Variants in EPC2 observed in about 807,000 individuals in gnomAD.
EPC2 encodes the protein enhancer of polycomb 2.
EPC2 carries 14 observed loss-of-function variants against 92.1 expected under a neutral mutation model. That is an observed-to-expected ratio of 0.15 (90% confidence interval 0.10 to 0.24). The LOEUF (loss-of-function observed/expected upper bound fraction) is 0.24, where lower values mean the gene tolerates loss of function less well. EPC2 is among the 10% of genes least tolerant of loss of function. The probability of loss-of-function intolerance (pLI) is 1.00; values close to 1 mark genes in which losing one functional copy is unlikely to be tolerated. For synonymous variants in EPC2, 340 were observed against 334.7 expected (o/e 1.02, Z -0.17); for missense variants, 755 against 971.5 (o/e 0.78, Z 2.96).
rs924988866 is a variant in EPC2, at chr2:148,718,547, G to A, written c.314-25075G>A. ...CTGGGGTGGAAATTCTTTTCTTTAA[G>A]AATGTTGAATATTGACCCGCAGTCT... On this transcript the variant is annotated intron_variant, in intron 2 of 13. Coordinates refer to ENST00000258484, the MANE Select transcript of EPC2 (RefSeq NM_015630.4). Among the ~76,000 whole-genome samples the A allele has an allele frequency of 2.0e-5, 3 of 152,150 alleles. No homozygotes were observed. The East Asian group carries it at 5.8e-4, about 29-fold the overall frequency.
intron 1 of EPC2, 162 bp downstream of exon 1, chr2:148,645,332 C>T (rs911325197): frequency 1.5e-5 from 9 of 608,522 alleles, no homozygotes; most frequent in African/African-American, 2.0e-5. Context: ...CCCTCTCGGC[C>T]GGCGTAGCGC....
At chr2:148,776,483 C>CAAA (rs1253697682) in intron 10 of EPC2, among the ~76,000 whole-genome samples, 1 of 152,146 alleles carries the variant, frequency 6.6e-6, no homozygotes, top group Non-Finnish European at 1.5e-5. Flanking sequence ...TTGTCTTTCA[C>CAAA]TGTAAGAGTT....
chr2:148,716,062 A>G (rs745563466), intron 2 of EPC2, among the ~76,000 whole-genome samples: 12 of 152,062 alleles, frequency 7.9e-5, no homozygotes, highest in Non-Finnish European at 1.5e-4. Context: ...ACAATTTTTG[A>G]ACATTGATTT....
chr2:148,694,914 G>A (rs866636993), intron 2 of EPC2, among the ~76,000 whole-genome samples: 1 of 151,994 alleles, frequency 6.6e-6, no homozygotes, highest in Non-Finnish European at 1.5e-5. Context: ...CTGGGATCAC[G>A]GGTGCGTGCC....
At chr2:148,662,942 A>G (rs1680969801) in intron 1 of EPC2, among the ~76,000 whole-genome samples, 1 of 151,854 alleles carries the variant, frequency 6.6e-6, no homozygotes, top group East Asian at 1.9e-4. Context: ...TTTATTTTTT[A>G]TTTAAGCAGC....
chr2:148,769,074 A>C (rs950134194), intron 7 of EPC2, 77 bp from the exon 8 acceptor site: 2 of 944,004 alleles, frequency 2.1e-6, no homozygotes, highest in Admixed American at 4.0e-5. Flanking sequence ...TTGTGATCAG[A>C]TTTACATTTT....
intron 2 of EPC2, among the ~76,000 whole-genome samples, chr2:148,734,423 A>G (rs1343146295): frequency 1.3e-5 from 2 of 152,102 alleles, no homozygotes; most frequent in Non-Finnish European, 2.9e-5. Flanking sequence ...TGAGACTTCA[A>G]ATTATTTAAA....
chr2:148,773,703 T>A (rs1384415014), intron 10 of EPC2, among the ~76,000 whole-genome samples: 1 of 152,104 alleles, frequency 6.6e-6, no homozygotes, highest in Non-Finnish European at 1.5e-5. Flanking sequence ...TTTAACAGCA[T>A]TTTTTAAAAT....
At chr2:148,671,164 T>C (rs968633208) in intron 1 of EPC2, among the ~76,000 whole-genome samples, 2 of 152,238 alleles carry the variant, frequency 1.3e-5, no homozygotes, top group Non-Finnish European at 2.9e-5. Context: ...TAAAGTTTGC[T>C]GTTATTAGTG....
At position 148,783,775 on chromosome 2, in the gene EPC2, A is replaced by T. The variant is rs1281100892; in HGVS notation, c.2017+19A>T. The T allele has an allele frequency of 1.9e-6, 3 of 1,575,402 alleles. No homozygotes were observed. The highest frequency in any genetic ancestry group is 1.7e-6 in the Non-Finnish European group (2 of 1,158,406). On this transcript the variant is annotated intron_variant, in intron 12 of 13. Transcript: ENST00000258484. The stretch of plus-strand genomic sequence containing the variant: ...CCTTCAGGTACAGCTGGGGTTTCAC[A>T]TGGTACCTACTTTCTTGAAGTTGTA...
intron 2 of EPC2, among the ~76,000 whole-genome samples, chr2:148,737,278 AT>A (rs947041363): frequency 1.3e-4 from 20 of 152,104 alleles, no homozygotes; most frequent in South Asian, 4.2e-4. Flanking sequence ...AATTTTAGGG[AT>A]TTTTTTCAAC....
intron 1 of EPC2, among the ~76,000 whole-genome samples, chr2:148,654,994 T>C (rs1364415629): frequency 2.0e-5 from 3 of 152,156 alleles, no homozygotes; most frequent in Non-Finnish European, 2.9e-5. Context: ...ATAGAGACAT[T>C]CCAGTATACC....
chr2:148,708,455 A>G (rs905151235), intron 2 of EPC2, among the ~76,000 whole-genome samples: 12 of 152,208 alleles, frequency 7.9e-5, no homozygotes, highest in African/African-American at 2.4e-4. Context: ...AACTCTTCCA[A>G]TCAATAGGAA....
At chr2:148,665,704 A>C (rs1009169428) in intron 1 of EPC2, among the ~76,000 whole-genome samples, 1 of 152,200 alleles carries the variant, frequency 6.6e-6, no homozygotes, top group Admixed American at 6.5e-5. Context: ...TTAGGATATC[A>C]GTTACTCAGT....
chr2:148,724,497 A>G (rs1386313410), intron 2 of EPC2, among the ~76,000 whole-genome samples: 1 of 152,050 alleles, frequency 6.6e-6, no homozygotes, highest in Non-Finnish European at 1.5e-5. Flanking sequence ...GTCTCGTTTT[A>G]TCTTCACCTC....
chr2:148,667,232 C>T (rs2105358313), intron 1 of EPC2, among the ~76,000 whole-genome samples: 1 of 152,308 alleles, frequency 6.6e-6, no homozygotes, highest in South Asian at 2.1e-4. Context: ...CCAATCAAAA[C>T]TCTTCATCGT....
In EPC2 at chr2:148,770,788, G is replaced by T. The variant is rs753753936; in HGVS notation, c.1231-4G>T. The T allele has an allele frequency of 9.3e-5, 147 of 1,588,152 alleles. No individual in the cohort carries two copies. In the East Asian group the frequency reaches 2.4e-3, roughly 26 times the overall value. On this transcript the variant is annotated splice_region_variant and splice_polypyrimidine_tract_variant and intron_variant, in intron 8 of 13. Coordinates refer to ENST00000258484, the MANE Select transcript of EPC2 (RefSeq NM_015630.4). ...TTTGTTTTTTGTTTTTTCTTTCTTT[G>T]CAGCCTCGTTTGGACCAAGCTAACC...
intron 1 of EPC2, among the ~76,000 whole-genome samples, chr2:148,678,439 C>T (rs367614565): frequency 2.6e-5 from 4 of 152,200 alleles, no homozygotes; most frequent in African/African-American, 7.2e-5. Flanking sequence ...GACTGGGTGC[C>T]GTGGAGCAGG....
At chr2:148,667,983 C>T (rs1053798784) in intron 1 of EPC2, among the ~76,000 whole-genome samples, 1 of 152,180 alleles carries the variant, frequency 6.6e-6, no homozygotes, top group Non-Finnish European at 1.5e-5. Flanking sequence ...ACCACGACCT[C>T]TGCCTCCCAG....
Sources: allele counts gnomAD v4.1 joint callset (sites outside exome capture counted in the v4.1 genomes callset), GRCh38; gene constraint gnomAD v4.1.1; transcripts MANE v1.5; gene names NCBI Gene and HGNC (gene_info 2026-07-23, HGNC 2026-07-21).